The following TNIP1 variants were observed in gnomAD, a reference collection of about 807,000 sequenced individuals.
TNIP1 encodes TNFAIP3 interacting protein 1, also known as TNFAIP3-interacting protein 1.
A neutral mutation model predicts 86.6 loss-of-function variants in TNIP1; 22 were observed. The observed-to-expected ratio is 0.25, with a 90% confidence interval of 0.18 to 0.36. The LOEUF is 0.36. Among genes scored for constraint, TNIP1 ranks in the 10% least tolerant of loss-of-function variants. The pLI is 1.00. For missense variants in TNIP1, 709 were observed against 820.6 expected (o/e 0.86, Z 1.66); for synonymous variants, 294 against 313.0 (o/e 0.94, Z 0.64).
At chr5:151,041,909 A>G (rs906596290) in intron 11 of TNIP1, among the ~76,000 whole-genome samples, 19 of 139,876 alleles carry the variant, frequency 1.4e-4, no homozygotes, top group African/African-American at 4.5e-4. Flanking sequence ...ATCCCACCCC[A>G]CCAAGTGCCA....
In TNIP1 at chr5:151,062,171, A is replaced by G. The variant is rs1561518843; in HGVS notation, c.313T>C (p.Cys105Arg). Residue 105 changes from cysteine (C) to arginine (R), a missense_variant, in exon 4 of 18, where the codon TGC (cysteine) becomes CGC (arginine). Cys to Arg is a radical substitution (Grantham distance 180, BLOSUM62 -3). Coordinates refer to ENST00000521591, the MANE Select transcript of TNIP1 (RefSeq NM_006058.5). ...ACTGGTGCTGGCTTGTCACTGGGGC[A>G]TGCAGGGGCTGTGGGAGATGCTGTG... ...NVTASPTAPA[C>R]PSDKPAPVQK... 3.7e-6 allele frequency: 6 copies of G among 1,614,050 alleles called. No homozygotes were observed. The highest frequency in any genetic ancestry group is 1.7e-5 in the Admixed American group (1 of 60,002).
intron 3 of TNIP1, among the ~76,000 whole-genome samples, chr5:151,062,781 C>T (rs1482256039): frequency 1.3e-5 from 2 of 152,206 alleles, no homozygotes; most frequent in African/African-American, 4.8e-5. Context: ...GCTGAATAGA[C>T]AAGCAGAGGC....
chr5:151,077,954 C>T (rs766948012), intron 1 of TNIP1, among the ~76,000 whole-genome samples: 130 of 152,278 alleles, frequency 8.5e-4, no homozygotes, highest in Non-Finnish European at 1.3e-3. Context: ...CAGAAGAGAC[C>T]CAGGTTCCAC....
chr5:151,073,718 A>C (rs1581917989), intron 1 of TNIP1, among the ~76,000 whole-genome samples: 1 of 152,194 alleles, frequency 6.6e-6, no homozygotes, highest in African/African-American at 2.4e-5. Flanking sequence ...AAAAGCAAGA[A>C]TAGATTCTCT....
rs2233300 is a variant in TNIP1 at position 151,042,879 on chromosome 5, C to G, written c.1002+17G>C. The G allele has an allele frequency of 2.0e-4, 317 of 1,613,286 alleles. No individual in the cohort carries two copies. In the African/African-American group the frequency reaches 3.7e-3, roughly 19 times the overall value. On this transcript the variant is annotated intron_variant, in intron 10 of 17. Transcript: ENST00000521591. ...ACCAGGCATGCCCTGTGGGCGTGGC[C>G]AGGAACCCCACATTACCTTCTGCTC...
intron 4 of TNIP1, 63 bp from the exon 5 acceptor site, chr5:151,060,458 C>T: frequency 6.6e-7 from 1 of 1,526,262 alleles, no homozygotes; most frequent in Non-Finnish European, 9.1e-7. Context: ...CTCTGCGGCC[C>T]TGTGGCTGAG....
At chr5:151,079,261 C>T (rs978237684) in intron 1 of TNIP1, among the ~76,000 whole-genome samples, 1 of 152,200 alleles carries the variant, frequency 6.6e-6, no homozygotes, top group Non-Finnish European at 1.5e-5. Context: ...TCAAGCGTTG[C>T]TAGTCTTGGG....
chr5:151,032,537 C>T, intron 16 of TNIP1, 154 bp from the exon 17 acceptor site: 2 of 753,820 alleles, frequency 2.7e-6, no homozygotes, highest in Non-Finnish European at 4.4e-6. Context: ...GGTAAGGAAT[C>T]TGAGGCTCAG....
chr5:151,042,185 C>T (rs553122766), intron 11 of TNIP1, among the ~76,000 whole-genome samples: 1 of 152,240 alleles, frequency 6.6e-6, no homozygotes, highest in South Asian at 2.1e-4. Flanking sequence ...AGGTAATCCA[C>T]CCGTCTCGGC....
intron 2 of TNIP1, among the ~76,000 whole-genome samples, chr5:151,063,981 G>A (rs1043808110): frequency 1.3e-5 from 2 of 152,130 alleles, no homozygotes; most frequent in African/African-American, 4.8e-5. Context: ...GGAGCGGAAG[G>A]AATCTATGAG....
At chr5:151,037,880 G>A (rs1309750492) in intron 12 of TNIP1, among the ~76,000 whole-genome samples, 1 of 152,190 alleles carries the variant, frequency 6.6e-6, no homozygotes, top group Non-Finnish European at 1.5e-5. Context: ...TGCTCCGAGG[G>A]GAAGTTATGG....
upstream of TNIP1, among the ~76,000 whole-genome samples, chr5:151,083,294 C>T (rs144178440): frequency 1.7e-4 from 26 of 152,338 alleles, no homozygotes; most frequent in East Asian, 4.4e-3. Context: ...AAGCCCAAGG[C>T]TCAGCACACA....
chr5:151,081,844 G>T (rs1397508021), upstream of TNIP1, among the ~76,000 whole-genome samples: 1 of 152,144 alleles, frequency 6.6e-6, no homozygotes, highest in East Asian at 1.9e-4. Flanking sequence ...TCCTAGACCG[G>T]TAAGGAACAT....
chr5:151,077,213 T>A (rs994311469), intron 1 of TNIP1, among the ~76,000 whole-genome samples: 2 of 152,040 alleles, frequency 1.3e-5, no homozygotes, highest in Admixed American at 6.5e-5. Flanking sequence ...ATAACTAACC[T>A]CCCGTCCCCC....
At chr5:151,068,099 G>C (rs991933167) in intron 1 of TNIP1, among the ~76,000 whole-genome samples, 1 of 152,214 alleles carries the variant, frequency 6.6e-6, no homozygotes, top group Non-Finnish European at 1.5e-5. Context: ...GCAGAGCTTG[G>C]GGAGAAAGAA....
intron 12 of TNIP1, among the ~76,000 whole-genome samples, chr5:151,037,649 C>A (rs904470922): frequency 6.6e-6 from 1 of 152,170 alleles, no homozygotes. Flanking sequence ...TTTCAGTTAA[C>A]CGTGTTTCCC....
At chr5:151,042,028 C>A (rs1343760047) in intron 11 of TNIP1, among the ~76,000 whole-genome samples, 1 of 151,858 alleles carries the variant, frequency 6.6e-6, no homozygotes, top group Non-Finnish European at 1.5e-5. Flanking sequence ...GCAACCTCCG[C>A]CTCCCAGGTT....
At chr5:151,034,489 T>C in intron 15 of TNIP1, 1 of 266,970 alleles carries the variant, frequency 3.7e-6, no homozygotes, top group Non-Finnish European at 6.9e-6. Flanking sequence ...CACAGAAGGC[T>C]CATACATGGG....
chr5:151,047,731 G>A (rs541287214), intron 8 of TNIP1, among the ~76,000 whole-genome samples: 141 of 152,172 alleles, frequency 9.3e-4, no homozygotes, highest in African/African-American at 2.1e-3. Flanking sequence ...AAGTGCTGGG[G>A]TGAAACAGCA....
Sources: allele counts gnomAD v4.1 joint callset (sites outside exome capture counted in the v4.1 genomes callset), GRCh38; gene constraint gnomAD v4.1.1; transcripts MANE v1.5; gene names NCBI Gene and HGNC (gene_info 2026-07-23, HGNC 2026-07-21).